The following AGAP1 variants were observed in gnomAD, a reference collection of about 807,000 sequenced individuals.
AGAP1 encodes ArfGAP with GTPase domain, ankyrin repeat and PH domain 1, also known as arf-GAP with GTPase, ANK repeat and PH domain-containing protein 1.
AGAP1 carries 29 observed loss-of-function variants against 105.3 expected under a neutral mutation model. The ratio of observed to expected loss-of-function variants is 0.28; its 90% CI spans 0.21 to 0.38. AGAP1 has a LOEUF of 0.38. Among genes scored for constraint, AGAP1 ranks in the 10% least tolerant of loss-of-function variants. AGAP1 has a pLI of 1.00. For synonymous variants in AGAP1, 509 were observed against 485.9 expected, an observed-to-expected ratio of 1.05 and a Z score of -0.63; for missense variants, 998 against 1,165.1, an observed-to-expected ratio of 0.86 and a Z score of 2.09.
chr2:236,086,853 C>T, intron 16 of AGAP1, among the ~76,000 whole-genome samples: 1 of 150,196 alleles, frequency 6.7e-6, no homozygotes, highest in East Asian at 2.0e-4. Context: ...TGCCTCTCCC[C>T]TCCCCCACCC....
intron 1 of AGAP1, among the ~76,000 whole-genome samples, chr2:235,521,856 A>ATG (rs1270040627): frequency 2.0e-5 from 3 of 151,950 alleles, no homozygotes; most frequent in Non-Finnish European, 4.4e-5. Flanking sequence ...TTTGGGATAG[A>ATG]TGCCTAGAAA....
rs150551957 is a variant in AGAP1 at position 235,660,279 on chromosome 2, G to C, written c.164-48900G>C. On this transcript the variant is annotated intron_variant, in intron 1 of 17. Transcript: ENST00000304032. The surrounding 1 kb of genome is among the most constrained non-coding windows in gnomAD (Gnocchi z 5.3). ...TCATAGATAAACTTGCGGGGTCACG[G>C]TGAGGGAGGCACTGTGTGGAAGGGT... Among the ~76,000 whole-genome samples the C allele has an allele frequency of 3.7e-4, 57 of 152,302 alleles. No homozygotes were observed. In the East Asian group the frequency reaches 9.7e-3, roughly 26 times the overall value.
rs948671558 is a variant in AGAP1, at chr2:235,553,265, AG to A, written c.163+58421del. Among the ~76,000 whole-genome samples, 1 of 148,518 alleles carries A rather than the reference AG, an allele frequency of 6.7e-6. No homozygotes were observed. Among genetic ancestry groups the A allele is most frequent in the Admixed American group, 6.7e-5 (1 of 14,914 alleles). On this transcript the variant is annotated intron_variant, in intron 1 of 17. Coordinates refer to ENST00000304032, the MANE Select transcript of AGAP1 (RefSeq NM_001037131.3). This position sits in a 1 kb window ranked among gnomAD's most constrained non-coding sequence, Gnocchi z 4.5. ...TTATATTAAGGGCTGGGGGAAGAGG[AG>A]GGGGTTGAGATCAAGAGATGACCAA...
At chr2:235,704,530 C>T (rs1363890562) in intron 1 of AGAP1, among the ~76,000 whole-genome samples, 1 of 152,182 alleles carries the variant, frequency 6.6e-6, no homozygotes, top group Non-Finnish European at 1.5e-5. Context: ...CCTGTAGTCC[C>T]AGCTACTCGA....
rs956133723 is a variant in AGAP1 at position 235,867,259 on chromosome 2, C to T, written c.1051-16086C>T. ...AAGGCTGGAGAGGAGGTATGTTAGG[C>T]TTCATGGGTCGTGTGGTTTCTCCTG... is the stretch of plus-strand genomic sequence containing the variant. On this transcript the variant is annotated intron_variant, in intron 9 of 17. Transcript: ENST00000304032. The surrounding 1 kb of genome is among the most constrained non-coding windows in gnomAD (Gnocchi z 5.4). Among the ~76,000 whole-genome samples the T allele has an allele frequency of 6.6e-6, 1 of 152,192 alleles. No individual in the cohort carries two copies. Among genetic ancestry groups the T allele is most frequent in the East Asian group, 1.9e-4 (1 of 5,192 alleles).
Position 236,101,620 on chromosome 2 carries a change from C to T in AGAP1, c.2115-18572C>T, listed in dbSNP as rs549353627. ...GGGCTTACATCCACTTTACGGGATC[C>T]GGAGCGGAGGAAAAGGGCCATTTCT... On this transcript the variant is annotated intron_variant, in intron 16 of 17. Transcript: ENST00000304032. This position sits in a 1 kb window ranked among gnomAD's most constrained non-coding sequence, Gnocchi z 4.9. Among the ~76,000 whole-genome samples, 14 of 152,274 alleles carry T rather than the reference C, an allele frequency of 9.2e-5. No individual in the cohort carries two copies. Among genetic ancestry groups the T allele is most frequent in the African/African-American group, 2.2e-4 (9 of 41,566 alleles).
chr2:235,798,483 T>A (rs1194880239), intron 7 of AGAP1, among the ~76,000 whole-genome samples: 1 of 152,198 alleles, frequency 6.6e-6, no homozygotes, highest in Admixed American at 6.5e-5. Context: ...CACTGTTTTT[T>A]TAAGGACATG....
In AGAP1 at chr2:236,076,500, A is replaced by G. The variant is rs58247856; in HGVS notation, c.2114+27219A>G. 8.2e-3 allele frequency among the ~76,000 whole-genome samples: 1,253 copies of G among 152,066 alleles called. 15 individuals are homozygous for G. The highest frequency in any genetic ancestry group is 0.028 in the African/African-American group (1,169 of 41,558). On this transcript the variant is annotated intron_variant, in intron 16 of 17. Transcript: ENST00000304032. The surrounding 1 kb of genome is among the most constrained non-coding windows in gnomAD (Gnocchi z 4.4). ...TTCCTGACGGCTTTGCACATGGCCC[A>G]TAACAAGCTGTCCTGACCTTCTCAG...
At chr2:235,624,934 G>C (rs1574987330) in intron 1 of AGAP1, among the ~76,000 whole-genome samples, 1 of 152,090 alleles carries the variant, frequency 6.6e-6, no homozygotes, top group East Asian at 1.9e-4. Flanking sequence ...GCCATGTGAT[G>C]TCCTGCTCCT....
intron 16 of AGAP1, among the ~76,000 whole-genome samples, chr2:236,098,835 C>T (rs1465154266): frequency 2.0e-5 from 3 of 151,734 alleles, no homozygotes; most frequent in Non-Finnish European, 2.9e-5. Flanking sequence ...ATTGACCAGG[C>T]TGATTTCAAA....
At chr2:235,548,569 C>T (rs1683307287) in intron 1 of AGAP1, among the ~76,000 whole-genome samples, 2 of 151,116 alleles carry the variant, frequency 1.3e-5, no homozygotes, top group African/African-American at 4.9e-5. Context: ...AGGAGAATCA[C>T]TTGAACCCAG....
intron 1 of AGAP1, among the ~76,000 whole-genome samples, chr2:235,548,913 G>A (rs1943714370): frequency 1.3e-5 from 2 of 152,150 alleles, no homozygotes; most frequent in Admixed American, 6.5e-5. Flanking sequence ...ATAGCCTTTC[G>A]CTTATATTGC....
rs2058712466 is a variant in AGAP1, at chr2:236,078,971, C to T, written c.2114+29690C>T. ...TTGAACAGTGAGGTTCCAGTCCCGTCCCTTTAGCCTCATCCCTCATGGGGG... is the reference window on the plus strand; with the variant it reads ...TTGAACAGTGAGGTTCCAGTCCCGTTCCTTTAGCCTCATCCCTCATGGGGG... On this transcript the variant is annotated intron_variant, in intron 16 of 17. Coordinates refer to ENST00000304032, the MANE Select transcript of AGAP1 (RefSeq NM_001037131.3). The surrounding 1 kb of genome is among the most constrained non-coding windows in gnomAD (Gnocchi z 5.3). 7.2e-5 allele frequency among the ~76,000 whole-genome samples: 11 copies of T among 152,168 alleles called. 1 individual carries two copies. The highest frequency in any genetic ancestry group is 7.2e-4 in the Admixed American group (11 of 15,282).
intron 1 of AGAP1, among the ~76,000 whole-genome samples, chr2:235,503,687 C>T (rs1009796279): frequency 3.9e-5 from 6 of 152,208 alleles, no homozygotes; most frequent in South Asian, 4.2e-4. Context: ...CCTCAACCTC[C>T]CAGACTCAAG....
At chr2:235,776,245 C>T (rs961143356) in intron 6 of AGAP1, among the ~76,000 whole-genome samples, 2 of 152,150 alleles carry the variant, frequency 1.3e-5, no homozygotes, top group Non-Finnish European at 2.9e-5. Context: ...GAGGGTGGGG[C>T]TCCAAGGCCT....
rs773021832 is a variant in AGAP1, at chr2:235,722,501, AT to A, written c.310+4858del. On this transcript the variant is annotated intron_variant, in intron 3 of 17. Transcript: ENST00000304032. Reference sequence around the variant, plus strand: ...AGCTTCTGGTGGCTGTCAGCAATCCATGCTGTTTCTTGGCTCATAGACTCCT... The same window carrying A: ...AGCTTCTGGTGGCTGTCAGCAATCCAGCTGTTTCTTGGCTCATAGACTCCT... Among the ~76,000 whole-genome samples the A allele has an allele frequency of 7.2e-5, 11 of 152,298 alleles. No individual in the cohort carries two copies. In the East Asian group the frequency reaches 2.1e-3, roughly 29 times the overall value.
At chr2:235,640,614 G>A (rs950757588) in intron 1 of AGAP1, among the ~76,000 whole-genome samples, 3 of 152,190 alleles carry the variant, frequency 2.0e-5, no homozygotes, top group Admixed American at 2.0e-4. Flanking sequence ...AATTGGCAAT[G>A]ACTGCAGGAA....
At chr2:235,707,927 G>GCTT (rs1357106344) in intron 1 of AGAP1, among the ~76,000 whole-genome samples, 1 of 151,030 alleles carries the variant, frequency 6.6e-6, no homozygotes, top group Non-Finnish European at 1.5e-5. Context: ...GGTGGGTTGT[G>GCTT]CTTCCCAATC....
At chr2:236,112,635 G>A (rs1221405191) in intron 16 of AGAP1, among the ~76,000 whole-genome samples, 1 of 152,176 alleles carries the variant, frequency 6.6e-6, no homozygotes, top group Non-Finnish European at 1.5e-5. Context: ...ATGACGCTGG[G>A]CAAACTGGGA....
Sources: allele counts gnomAD v4.1 joint callset (sites outside exome capture counted in the v4.1 genomes callset), GRCh38; gene constraint gnomAD v4.1.1; non-coding constraint Gnocchi (gnomAD v3.1); transcripts MANE v1.5; gene names NCBI Gene and HGNC (gene_info 2026-07-23, HGNC 2026-07-21).